The following ZMYND8 variants were observed in gnomAD, a reference collection of about 807,000 sequenced individuals.
ZMYND8 encodes the protein zinc finger MYND-type containing 8.
ZMYND8 carries 37 observed loss-of-function variants against 140.8 expected under a neutral mutation model. The ratio of observed to expected loss-of-function variants is 0.26; its 90% CI spans 0.20 to 0.35. The LOEUF (loss-of-function observed/expected upper bound fraction) is 0.35, where lower values mean the gene tolerates loss of function less well. Among genes scored for constraint, ZMYND8 ranks in the 10% least tolerant of loss-of-function variants. ZMYND8 has a pLI of 1.00. For missense variants in ZMYND8, 1,068 were observed against 1,570.0 expected (o/e 0.68, Z 5.40); for synonymous variants, 592 against 597.1 (o/e 0.99, Z 0.12).
chr20:47,328,902 T>C (rs779226784), intron 2 of ZMYND8, among the ~76,000 whole-genome samples: 7 of 152,200 alleles, frequency 4.6e-5, no homozygotes, highest in Admixed American at 2.0e-4. Context: ...GGTAAATGCA[T>C]AATTACGGTA....
chr20:47,297,530 TCCAAGCTCACCCTC>T, intron 4 of ZMYND8, among the ~76,000 whole-genome samples: 1 of 152,222 alleles, frequency 6.6e-6, no homozygotes, highest in South Asian at 2.1e-4. Context: ...CAAGTGATCC[TCCAAGCTCACCCTC>T]CCAAGTAGCT....
chr20:47,212,217 C>T (rs912868036), intron 22 of ZMYND8, among the ~76,000 whole-genome samples: 2 of 152,184 alleles, frequency 1.3e-5, no homozygotes, highest in African/African-American at 4.8e-5. Flanking sequence ...CAGAGACCAC[C>T]AGCGGGTACT....
chr20:47,349,930 G>C, intron 1 of ZMYND8: 1 of 1,535,314 alleles, frequency 6.5e-7, no homozygotes, highest in Non-Finnish European at 8.7e-7. Flanking sequence ...GCATTCAAGG[G>C]AACCATTATT....
chr20:47,347,003 C>T (rs2082389756), intron 2 of ZMYND8, among the ~76,000 whole-genome samples: 1 of 152,184 alleles, frequency 6.6e-6, no homozygotes, highest in South Asian at 2.1e-4. Context: ...GAATCTCCTT[C>T]CGGCAGTATG....
intron 2 of ZMYND8, among the ~76,000 whole-genome samples, chr20:47,326,485 C>T (rs1424184176): frequency 6.6e-6 from 1 of 152,056 alleles, no homozygotes; most frequent in Admixed American, 6.6e-5. Flanking sequence ...TGACTTTCTC[C>T]AGGGAAAACA....
chr20:47,296,022 A>T (rs1171681610), intron 4 of ZMYND8, among the ~76,000 whole-genome samples: 1 of 151,926 alleles, frequency 6.6e-6, no homozygotes. Flanking sequence ...CCAACACAAG[A>T]GTCACTCAGA....
At chr20:47,355,970 A>G (rs916524073) in intron 1 of ZMYND8, among the ~76,000 whole-genome samples, 4 of 152,126 alleles carry the variant, frequency 2.6e-5, no homozygotes. Flanking sequence ...AACAGGCTGA[A>G]CAATGTAGTT....
At position 47,211,516 on chromosome 20, in the gene ZMYND8, TCAAGGACA is replaced by T. The variant is rs575196963; in HGVS notation, c.3569-627_3569-620del. Among the ~76,000 whole-genome samples the T allele has an allele frequency of 5.0e-4, 76 of 152,258 alleles. 1 individual carries two copies. The East Asian group carries it at 0.014, about 27-fold the overall frequency. ...AATCAGAATAAGACCTAGGATGGCT[TCAAGGACA>T]CATGGACAAGGAGCTGAGTAGTGAC... On this transcript the variant is annotated intron_variant, in intron 22 of 22. Transcript: ENST00000471951.
At chr20:47,236,668 G>A (rs1451722224) in intron 15 of ZMYND8, 152 bp from the exon 16 acceptor site, 8 of 790,842 alleles carry the variant, frequency 1.0e-5, no homozygotes, top group Non-Finnish European at 1.5e-5. Flanking sequence ...CTCTATCCAG[G>A]TTTCTCAACT....
At chr20:47,266,648 C>T (rs965412105) in intron 11 of ZMYND8, among the ~76,000 whole-genome samples, 3 of 152,132 alleles carry the variant, frequency 2.0e-5, no homozygotes, top group African/African-American at 7.2e-5. Flanking sequence ...GAACTCTGCA[C>T]TCCTCTTCCT....
At chr20:47,222,019 AG>A (rs376248517) in intron 19 of ZMYND8, among the ~76,000 whole-genome samples, 1 of 152,328 alleles carries the variant, frequency 6.6e-6, no homozygotes, top group East Asian at 1.9e-4. Flanking sequence ...ATCATTCTGG[AG>A]ATGAAAGTAT....
In ZMYND8 at chr20:47,291,906, T is replaced by C. The variant is rs535692242; in HGVS notation, c.568-18A>G. On this transcript the variant is annotated intron_variant, in intron 5 of 22. Coordinates refer to ENST00000471951, the MANE Select transcript of ZMYND8 (RefSeq NM_001281775.3). ...GCATCTGTCTATAAAAGAGAAGATATGCAGAGGAACGAACCCATCATTACT... is the reference window on the plus strand; with the variant it reads ...GCATCTGTCTATAAAAGAGAAGATACGCAGAGGAACGAACCCATCATTACT... 6 of 1,603,704 alleles carry C rather than the reference T, an allele frequency of 3.7e-6. No homozygotes were observed. The highest frequency in any genetic ancestry group is 2.2e-5 in the South Asian group (2 of 89,456).
At chr20:47,343,645 G>A (rs1331406501) in intron 2 of ZMYND8, among the ~76,000 whole-genome samples, 2 of 152,060 alleles carry the variant, frequency 1.3e-5, no homozygotes, top group Non-Finnish European at 2.9e-5. Context: ...CCAAGTAGCT[G>A]GGATTATAGG....
rs2040553316 is a variant in ZMYND8 at position 47,246,290 on chromosome 20, G to C, written c.2002C>G (p.Leu668Val). 1.2e-6 allele frequency: 2 copies of C among 1,614,038 alleles called. No individual in the cohort carries two copies. The highest frequency in any genetic ancestry group is 1.1e-5 in the South Asian group (1 of 91,094). Residue 668 changes from leucine to valine, a missense_variant, in exon 14 of 23, where the codon CTG becomes GTG. By Grantham distance (32) the Leu-to-Val change is conservative (BLOSUM62 1). Coordinates refer to ENST00000471951, the MANE Select transcript of ZMYND8 (RefSeq NM_001281775.3). Reference sequence around the variant, plus strand: ...TCGCTGGCTGGTGACGTGCTTTTCAGCTCCTCTTTAATCTCCACTGGGTTT... The same window carrying C: ...TCGCTGGCTGGTGACGTGCTTTTCACCTCCTCTTTAATCTCCACTGGGTTT... ...PTNPVEIKEE[L>V]KSTSPASEKA...
At position 47,230,299 on chromosome 20, in the gene ZMYND8, T is replaced by G. The variant is rs188171435; in HGVS notation, c.2857-493A>C. ...GATGTGTGGTGTTTTTTTTGTTGTT[T>G]TTTTTTTTTTAAGATGGAGCCTCAC... On this transcript the variant is annotated intron_variant, in intron 16 of 22. Transcript: ENST00000471951. 2.5e-3 allele frequency among the ~76,000 whole-genome samples: 385 copies of G among 151,634 alleles called. 12 individuals carry two copies. In the East Asian group the frequency reaches 0.059, roughly 23 times the overall value.
rs190332748 is a variant in ZMYND8 at position 47,277,032 on chromosome 20, A to T, written c.999-237T>A. On this transcript the variant is annotated intron_variant, in intron 10 of 22. Coordinates refer to ENST00000471951, the MANE Select transcript of ZMYND8 (RefSeq NM_001281775.3). The stretch of plus-strand genomic sequence containing the variant: ...GCGAAAACATTTAAAAGTGCAACAG[A>T]CTTAGTCATTGTGAGCCACTAAAGA... Among the ~76,000 whole-genome samples, 3 of 152,300 alleles carry T rather than the reference A, an allele frequency of 2.0e-5. No individual in the cohort carries two copies. The East Asian group carries it at 5.8e-4, about 29-fold the overall frequency.
intron 11 of ZMYND8, among the ~76,000 whole-genome samples, chr20:47,270,668 C>G (rs1301081921): frequency 2.2e-5 from 3 of 139,380 alleles, no homozygotes; most frequent in Non-Finnish European, 4.5e-5. Context: ...TGAGACCAGC[C>G]TGGGCAACAT....
At chr20:47,272,925 C>T (rs1054598955) in intron 11 of ZMYND8, among the ~76,000 whole-genome samples, 27 of 152,308 alleles carry the variant, frequency 1.8e-4, no homozygotes, top group African/African-American at 6.3e-4. Flanking sequence ...ACTGTGGAAG[C>T]ATTTTAATAC....
intron 11 of ZMYND8, among the ~76,000 whole-genome samples, chr20:47,270,178 C>T (rs143536050): frequency 4.0e-5 from 6 of 150,724 alleles, no homozygotes; most frequent in Middle Eastern, 3.5e-3. Context: ...TTGAAGGCTA[C>T]GGTGAGCCAT....
Sources: gnomAD v4.1 joint callset for allele counts (sites outside exome capture counted in the v4.1 genomes callset) on GRCh38, gnomAD v4.1.1 for gene constraint, MANE v1.5 for transcripts, NCBI Gene and HGNC (gene_info 2026-07-23, HGNC 2026-07-21) for gene names.